Variants in PRDM7 observed in about 807,000 individuals in gnomAD.
PRDM7 encodes the protein histone-lysine N-methyltransferase PRDM7.
A neutral mutation model predicts 64.3 loss-of-function variants in PRDM7; 52 were observed. That is an observed-to-expected ratio of 0.81 (90% CI 0.65 to 1.02). The LOEUF (loss-of-function observed/expected upper bound fraction) is 1.02, where lower values mean the gene tolerates loss of function less well. Among genes scored for constraint, PRDM7 ranks in the 50% least tolerant of loss-of-function variants. The pLI, the probability that PRDM7 is intolerant of heterozygous loss-of-function variation, is 0.00. For missense variants in PRDM7, 574 were observed against 597.1 expected (o/e 0.96, Z 0.40); for synonymous variants, 192 against 210.1 (o/e 0.91, Z 0.74).
Position 90,061,457 on chromosome 16 carries a change from C to G in PRDM7, c.945G>C (p.Trp315Cys). The change falls in exon 9 of 11, where the codon TGG becomes TGC. Residue 315 changes from tryptophan (W) to cysteine (C), a missense_variant. Coordinates refer to ENST00000449207, the MANE Select transcript of PRDM7 (RefSeq NM_001098173.2). ...VDGKDKSSAN[W>C]MRYVNCARDD... ...AAGAGACCTAGTGGCCTTACCTCAT[C>G]CAGTTGGCCGAGGATTTATCTTTTC... 1 of 1,599,256 alleles carries G rather than the reference C, an allele frequency of 6.3e-7. No homozygotes were observed. The highest frequency in any genetic ancestry group is 8.6e-7 in the Non-Finnish European group (1 of 1,166,388).
Position 90,056,904 on chromosome 16 carries a change from T to C in PRDM7, c.*1385A>G, listed in dbSNP as rs2037694256. The C allele has an allele frequency of 6.6e-6, 1 of 152,262 alleles. No individual in the cohort carries two copies. The highest frequency in any genetic ancestry group is 2.4e-5 in the African/African-American group (1 of 41,456). 9.4% of individuals were successfully genotyped at this position (152,262 alleles called of 1,614,324 possible). The stretch of plus-strand genomic sequence containing the variant: ...TCGGGTCTGGTTCCTTGGTTTCAGG[T>C]CTGGTTCCTAGGCGCCAGGCTACCT... On this transcript the variant is annotated 3_prime_UTR_variant, in exon 11 of 11. Transcript: ENST00000449207.
intron 4 of PRDM7, among the ~76,000 whole-genome samples, chr16:90,068,745 GA>G (rs1338073132): frequency 6.7e-6 from 1 of 150,234 alleles, no homozygotes; most frequent in Non-Finnish European, 1.5e-5. Flanking sequence ...AGGAAATTAA[GA>G]AAAAAATCCC....
At chr16:90,069,253 A>G (rs1467579192) in intron 4 of PRDM7, among the ~76,000 whole-genome samples, 4 of 151,460 alleles carry the variant, frequency 2.6e-5, no homozygotes, top group African/African-American at 7.4e-5. Context: ...AGACTACACA[A>G]TGGAGGAAAG....
chr16:90,068,709 A>G (rs926013035), intron 4 of PRDM7, among the ~76,000 whole-genome samples: 3 of 151,236 alleles, frequency 2.0e-5, no homozygotes, highest in Non-Finnish European at 4.4e-5. Context: ...TTGTGTTTCT[A>G]TTTAGTAAAA....
chr16:90,063,684 C>T lies in PRDM7; in HGVS notation c.436G>A (p.Glu146Lys), dbSNP rs552727013. The change falls in exon 6 of 11, where the codon GAG (glutamate) becomes AAG (lysine). Residue 146 changes from glutamate (E) to lysine (K), a missense_variant. Glu to Lys is a moderately conservative substitution (Grantham distance 56). Transcript: ENST00000449207. ...TPNLLNTSDSEQAQKPVSPPG... is the reference protein window; with the variant it reads ...TPNLLNTSDSKQAQKPVSPPG... ...GGGGACACTGGTTTCTGAGCCTGCT[C>T]TGAGTCACTTGTATTCAGTAAATTT... The T allele has an allele frequency of 1.9e-6, 3 of 1,614,180 alleles. No individual in the cohort carries two copies.
rs377489230 is a variant in PRDM7, at chr16:90,060,540, C to T, written c.1034G>A (p.Arg345Gln). 708 of 1,613,986 alleles carry T rather than the reference C, an allele frequency of 4.4e-4. 9 individuals carry two copies. In the South Asian group the frequency reaches 5.9e-3, roughly 13 times the overall value. ...YHRQIFYRTC[R>Q]VIRPGCELLV... Reference sequence around the variant, plus strand: ...CAGTTCACAGCCTGGCCTAATGACTCGGCAGGTTCTATAGAAGATCTGCCT... The same window carrying T: ...CAGTTCACAGCCTGGCCTAATGACTTGGCAGGTTCTATAGAAGATCTGCCT... The change falls in exon 10 of 11, where the codon CGA (arginine) becomes CAA (glutamine). Residue 345 changes from arginine (R) to glutamine (Q), a missense_variant. Arg to Gln is a conservative substitution (Grantham distance 43). Transcript: ENST00000449207.
chr16:90,076,124 C>T (rs1443710765), intron 1 of PRDM7, 129 bp from the exon 2 acceptor site: 6 of 594,564 alleles, frequency 1.0e-5, no homozygotes, highest in Non-Finnish European at 1.8e-5. Context: ...TCTCGAGCAC[C>T]CCAGGGAGGT....
intron 9 of PRDM7, 103 bp downstream of exon 9, chr16:90,061,349 G>A: frequency 8.5e-7 from 1 of 1,176,834 alleles, no homozygotes; most frequent in East Asian, 2.4e-5. Flanking sequence ...AATAGAAATA[G>A]GGGATGTGAA....
Position 90,062,510 on chromosome 16 carries a change from G to A in PRDM7, c.509-8C>T. ...TCTCCTTCCTCCTGAGTTCTAGGTT[G>A]GAGAAGAGTAGATGGGTAAAATTGG... is the stretch of plus-strand genomic sequence containing the variant. On this transcript the variant is annotated splice_polypyrimidine_tract_variant and splice_region_variant and intron_variant, in intron 6 of 10. Coordinates refer to ENST00000449207, the MANE Select transcript of PRDM7 (RefSeq NM_001098173.2). The A allele has an allele frequency of 2.5e-6, 4 of 1,607,392 alleles. No homozygotes were observed. Among genetic ancestry groups the A allele is most frequent in the Non-Finnish European group, 3.4e-6 (4 of 1,173,942 alleles).
At chr16:90,063,559 C>T in intron 6 of PRDM7, 53 bp downstream of exon 6, 1 of 1,597,824 alleles carries the variant, frequency 6.3e-7, no homozygotes. Flanking sequence ...CCATACTCAC[C>T]AACCTTTCTA....
chr16:90,072,095 G>A (rs2151312729), intron 4 of PRDM7, among the ~76,000 whole-genome samples: 1 of 152,240 alleles, frequency 6.6e-6, no homozygotes, highest in East Asian at 1.9e-4. Flanking sequence ...GCCTGGCGTG[G>A]TGGCAGGCGC....
At chr16:90,069,251 C>T (rs1191285216) in intron 4 of PRDM7, among the ~76,000 whole-genome samples, 1 of 151,146 alleles carries the variant, frequency 6.6e-6, no homozygotes, top group Non-Finnish European at 1.5e-5. Context: ...CAAGACTACA[C>T]AATGGAGGAA....
intron 10 of PRDM7, 123 bp from the exon 11 acceptor site, chr16:90,058,657 C>T: frequency 8.2e-7 from 1 of 1,214,558 alleles, no homozygotes; most frequent in South Asian, 1.2e-5. Context: ...CTCTCTCCCA[C>T]CAAGTGCTGG....
chr16:90,066,224 A>AGTATT, intron 5 of PRDM7, among the ~76,000 whole-genome samples: 1 of 151,350 alleles, frequency 6.6e-6, no homozygotes, highest in Non-Finnish European at 1.5e-5. Context: ...TCCTCTGATC[A>AGTATT]GAATGGGTCC....
chr16:90,057,011 G>C lies in PRDM7; in HGVS notation c.*1278C>G, dbSNP rs540755764. 6.6e-6 allele frequency: 1 copy of C among 152,242 alleles called. No homozygotes were observed. Among genetic ancestry groups the C allele is most frequent in the Non-Finnish European group, 1.5e-5 (1 of 68,028 alleles). The allele number at this position is 152,242 out of a possible 1,614,324, so 9.4% of individuals were successfully genotyped here. A position where few individuals can be genotyped will look rare whatever the true frequency, so the allele number is the denominator to read the frequency against. ...GAGAGGGTCTGTCTCTCTTCTCTCA[G>C]AGTATTCAATTTCCTTAGGATTTTG... On this transcript the variant is annotated 3_prime_UTR_variant, in exon 11 of 11. Coordinates refer to ENST00000449207, the MANE Select transcript of PRDM7 (RefSeq NM_001098173.2).
Position 90,057,991 on chromosome 16 carries a change from C to G in PRDM7, c.*298G>C. On this transcript the variant is annotated 3_prime_UTR_variant, in exon 11 of 11. Coordinates refer to ENST00000449207, the MANE Select transcript of PRDM7 (RefSeq NM_001098173.2). ...TCTGGTGACTGAGGAGGTCTGACTT[C>G]CGGCTAAAGCCCTCCCACACTCTCT... 2 of 1,605,688 alleles carry G rather than the reference C, an allele frequency of 1.2e-6. No individual in the cohort carries two copies. Among genetic ancestry groups the G allele is most frequent in the Non-Finnish European group, 1.7e-6 (2 of 1,174,450 alleles).
Position 90,057,242 on chromosome 16 carries a change from G to C in PRDM7, c.*1047C>G, listed in dbSNP as rs2037699999. 6.5e-6 allele frequency: 1 copy of C among 154,246 alleles called. No individual in the cohort carries two copies. Among genetic ancestry groups the C allele is most frequent in the Non-Finnish European group, 1.4e-5 (1 of 69,546 alleles). The allele number at this position is 154,246 out of a possible 1,614,324, so 9.6% of individuals were successfully genotyped here. Reference sequence around the variant, plus strand: ...CAGGAGAGGAGACAGGGGGAGCCAAGGGGGAGTATGGCAGCAGAGGAGAGG... The same window carrying C: ...CAGGAGAGGAGACAGGGGGAGCCAACGGGGAGTATGGCAGCAGAGGAGAGG... On this transcript the variant is annotated 3_prime_UTR_variant, in exon 11 of 11. Coordinates refer to ENST00000449207, the MANE Select transcript of PRDM7 (RefSeq NM_001098173.2).
rs778627414 is a variant in PRDM7, at chr16:90,062,052, A to G, written c.751T>C (p.Ser251Pro). The G allele has an allele frequency of 6.2e-7, 1 of 1,614,254 alleles. No homozygotes were observed. The highest frequency in any genetic ancestry group is 1.1e-5 in the South Asian group (1 of 91,086). ...CCAAGCCCAGCCTGAGGGATGCCTG[A>G]TGGCCCAATTCTCAGCCCCGGGGGC... Reference protein sequence around the residue: ...SLPPGLRIGPSGIPQAGLGVW... With the variant: ...SLPPGLRIGPPGIPQAGLGVW... Residue 251 changes from serine to proline, a missense_variant, in exon 8 of 11, where the codon TCA becomes CCA. Transcript: ENST00000449207.
At chr16:90,072,057 C>T (rs181253909) in intron 4 of PRDM7, among the ~76,000 whole-genome samples, 18 of 151,986 alleles carry the variant, frequency 1.2e-4, no homozygotes, top group Admixed American at 5.2e-4. Flanking sequence ...GGTGAAACCC[C>T]GTCTCTACTA....
Sources: allele counts gnomAD v4.1 joint callset (sites outside exome capture counted in the v4.1 genomes callset), GRCh38; gene constraint gnomAD v4.1.1; transcripts MANE v1.5; gene names NCBI Gene and HGNC (gene_info 2026-07-23, HGNC 2026-07-21).